ERICH6: variants seen among roughly 807,000 people sequenced by gnomAD.
The protein encoded by ERICH6 is glutamate-rich protein 6.
ERICH6 carries 71 observed loss-of-function variants against 71.0 expected under a neutral mutation model. The ratio of observed to expected loss-of-function variants is 1.00; its 90% confidence interval spans 0.83 to 1.22. The LOEUF (loss-of-function observed/expected upper bound fraction) is 1.22, where lower values mean the gene tolerates loss of function less well. Among genes scored for constraint, ERICH6 ranks in the 50% most tolerant of loss-of-function variants. The probability of loss-of-function intolerance (pLI) is 0.00; values close to 1 mark genes in which losing one functional copy is unlikely to be tolerated. For synonymous variants in ERICH6, 262 were observed against 278.4 expected, an observed-to-expected ratio of 0.94 and a Z score of 0.59; for missense variants, 808 against 797.2, an observed-to-expected ratio of 1.01 and a Z score of -0.16.
At chr3:150,697,093 T>A (rs1168334393) in intron 3 of ERICH6, among the ~76,000 whole-genome samples, 2 of 152,162 alleles carry the variant, frequency 1.3e-5, no homozygotes, top group South Asian at 4.1e-4. Flanking sequence ...CTGTATTTAC[T>A]GGTAAAAATT....
At position 150,703,665 on chromosome 3, in the gene ERICH6, G is replaced by A. The variant is rs1713034165; in HGVS notation, c.234C>T (p.Leu78=). The A allele has an allele frequency of 6.2e-7, 1 of 1,613,570 alleles. No individual in the cohort carries two copies. The highest frequency in any genetic ancestry group is 1.7e-5 in the Admixed American group (1 of 59,962). Residue 78 remains leucine (L), a synonymous_variant, in exon 1 of 14, where the codon CTC becomes CTT. Transcript: ENST00000295910. ...EAPETFSEEY[L]WKVTDIGDYD... ...AGTCACCGATGTCCGTGACCTTCCA[G>A]AGGTACTCTTCGCTGAACGTCTCAG...
intron 10 of ERICH6, 128 bp downstream of exon 10, chr3:150,678,281 G>A: frequency 1.2e-6 from 1 of 866,938 alleles, no homozygotes; most frequent in Non-Finnish European, 1.7e-6. Context: ...AAAAGACCAA[G>A]TCTGTACCAA....
At chr3:150,682,607 A>G (rs944173934) in intron 6 of ERICH6, among the ~76,000 whole-genome samples, 3 of 152,180 alleles carry the variant, frequency 2.0e-5, no homozygotes, top group Admixed American at 2.0e-4. Flanking sequence ...TGCAGAAATG[A>G]ATTCACTGTG....
At chr3:150,668,414 G>A (rs1727493622) in intron 12 of ERICH6, among the ~76,000 whole-genome samples, 1 of 152,154 alleles carries the variant, frequency 6.6e-6, no homozygotes, top group Admixed American at 6.6e-5. Flanking sequence ...GAACCGATTG[G>A]TTTCCAGTCT....
At chr3:150,701,043 A>G (rs1387646042) in intron 2 of ERICH6, among the ~76,000 whole-genome samples, 1 of 152,230 alleles carries the variant, frequency 6.6e-6, no homozygotes, top group Non-Finnish European at 1.5e-5. Context: ...TATAATTAAC[A>G]AACCATAATA....
At chr3:150,674,103 A>T in intron 10 of ERICH6, 62 bp from the exon 11 acceptor site, 1 of 1,328,036 alleles carries the variant, frequency 7.5e-7, no homozygotes, top group Non-Finnish European at 1.1e-6. Flanking sequence ...TAAGTACGAC[A>T]ACAATGGACA....
At chr3:150,677,712 G>A (rs1428517257) in intron 10 of ERICH6, among the ~76,000 whole-genome samples, 1 of 152,038 alleles carries the variant, frequency 6.6e-6, no homozygotes, top group African/African-American at 2.4e-5. Flanking sequence ...GTCCAGGCTG[G>A]TCTTGAATTC....
At chr3:150,686,447 C>G (rs1447298961) in intron 3 of ERICH6, 93 bp from the exon 4 acceptor site, 3 of 1,007,782 alleles carry the variant, frequency 3.0e-6, no homozygotes, top group Non-Finnish European at 4.5e-6. Context: ...AATAACTACC[C>G]TTACTATGTT....
chr3:150,681,491 C>T (rs1176530076), intron 7 of ERICH6, among the ~76,000 whole-genome samples: 1 of 152,190 alleles, frequency 6.6e-6, no homozygotes, highest in Admixed American at 6.5e-5. Context: ...TATTACGAAT[C>T]ATGCTGCTGT....
chr3:150,685,843 T>C lies in ERICH6; in HGVS notation c.682A>G (p.Ile228Val), dbSNP rs201144022. The change falls in exon 6 of 14, where the codon ATA becomes GTA. Residue 228 changes from isoleucine to valine, a missense_variant. Ile to Val is a conservative substitution (Grantham distance 29). Transcript: ENST00000295910. Reference protein sequence around the residue: ...LYELEFKEDFITLFEPSLRTL... With the variant: ...LYELEFKEDFVTLFEPSLRTL... Reference sequence around the variant, plus strand: ...CTTAGAGAAGGCTCGAACAGTGTTATGAAGTCTTCCTTAAACTAAATTTAA... The same window carrying C: ...CTTAGAGAAGGCTCGAACAGTGTTACGAAGTCTTCCTTAAACTAAATTTAA... The C allele has an allele frequency of 2.0e-5, 33 of 1,613,892 alleles. No individual in the cohort carries two copies. Among genetic ancestry groups the C allele is most frequent in the Non-Finnish European group, 8.5e-6 (10 of 1,179,996 alleles).
At chr3:150,695,959 G>A (rs1330633826) in intron 3 of ERICH6, among the ~76,000 whole-genome samples, 3 of 151,954 alleles carry the variant, frequency 2.0e-5, no homozygotes, top group East Asian at 3.9e-4. Flanking sequence ...AATACTTTTG[G>A]AAGAACAAGT....
chr3:150,675,511 G>A (rs1464333770), intron 10 of ERICH6, among the ~76,000 whole-genome samples: 1 of 152,020 alleles, frequency 6.6e-6, no homozygotes, highest in African/African-American at 2.4e-5. Flanking sequence ...ACCACGCCTG[G>A]CTAATCTTTG....
intron 9 of ERICH6, among the ~76,000 whole-genome samples, chr3:150,680,232 A>C (rs1711847223): frequency 6.6e-6 from 1 of 152,138 alleles, no homozygotes. Flanking sequence ...CAATACTACT[A>C]CTTATTATTA....
intron 13 of ERICH6, among the ~76,000 whole-genome samples, chr3:150,663,685 C>T (rs904952464): frequency 3.3e-5 from 5 of 152,026 alleles, no homozygotes; most frequent in Non-Finnish European, 1.5e-5. Context: ...ACTATGTTGC[C>T]CAAGCTGGTC....
rs1187557888 is a variant in ERICH6 at position 150,659,945 on chromosome 3, T to C, written c.1939A>G (p.Ile647Val). The change falls in exon 14 of 14, where the codon ATA (isoleucine) becomes GTA (valine). Residue 647 changes from isoleucine to valine, a missense_variant. This residue lies in a region of ERICH6 where 736 missense variants were observed against 712.2 expected (regional missense o/e 1.03). Transcript: ENST00000295910. Reference protein sequence around the residue: ...KLIALCHSSGIKQDIMKTIRN... With the variant: ...KLIALCHSSGVKQDIMKTIRN... ...ATTGTCTTCATTATATCTTGCTTTA[T>C]ACCAGAACTGTGACAAAGGGCAATT... The C allele has an allele frequency of 5.6e-6, 9 of 1,613,230 alleles. No homozygotes were observed. The Admixed American group carries it at 1.3e-4, about 24-fold the overall frequency.
chr3:150,678,512 T>G lies in ERICH6; in HGVS notation c.1154A>C (p.Asp385Ala). 1.2e-6 allele frequency: 2 copies of G among 1,603,442 alleles called. No individual in the cohort carries two copies. The highest frequency in any genetic ancestry group is 2.2e-5 in the East Asian group (1 of 44,594). The change falls in exon 10 of 14, where the codon GAT becomes GCT. Residue 385 changes from aspartate (D) to alanine (A), a missense_variant. Coordinates refer to ENST00000295910, the MANE Select transcript of ERICH6 (RefSeq NM_152394.5). ...ATCAATTATCTGTTTTTCTGGAATA[T>G]CCACAGAAAGTTGATAAGAAATTGT... Reference protein sequence around the residue: ...LKTISYQLSVDIPEKQIIDDI... With the variant: ...LKTISYQLSVAIPEKQIIDDI...
chr3:150,703,539 T>C lies in ERICH6; in HGVS notation c.360A>G (p.Glu120=). Residue 120 remains glutamate (E), a synonymous_variant, in exon 1 of 14, where the codon GAA becomes GAG. Coordinates refer to ENST00000295910, the MANE Select transcript of ERICH6 (RefSeq NM_152394.5). ...TGGAGGGTGGGCTTGCGCTCGGCGT[T>C]TCAGTGCTGGTCGCGCTCTGGCTGG... The part of the protein sequence containing the change: ...FVPSQSATST[E]TPSASPPSST... 1 of 1,611,916 alleles carries C rather than the reference T, an allele frequency of 6.2e-7. No homozygotes were observed. The highest frequency in any genetic ancestry group is 8.5e-7 in the Non-Finnish European group (1 of 1,179,096).
At position 150,686,293 on chromosome 3, in the gene ERICH6, T is replaced by G. The variant is rs1229048791; in HGVS notation, c.610+5A>C. The G allele has an allele frequency of 6.2e-7, 1 of 1,614,090 alleles. No individual in the cohort carries two copies. The highest frequency in any genetic ancestry group is 1.1e-5 in the South Asian group (1 of 91,068). On this transcript the variant is annotated splice_donor_5th_base_variant and intron_variant, in intron 4 of 13. Transcript: ENST00000295910. Reference sequence around the variant, plus strand: ...AAAAGGAGATGATGCCAAACATGTATTTACCTCTTAACTTAGATGCCAGAC... The same window carrying G: ...AAAAGGAGATGATGCCAAACATGTAGTTACCTCTTAACTTAGATGCCAGAC...
At chr3:150,670,913 T>C (rs1711499433) in intron 11 of ERICH6, among the ~76,000 whole-genome samples, 1 of 152,114 alleles carries the variant, frequency 6.6e-6, no homozygotes, top group South Asian at 2.1e-4. Flanking sequence ...TCAAGAAAGT[T>C]AAGAGGAATA....
Sources: allele counts gnomAD v4.1 joint callset (sites outside exome capture counted in the v4.1 genomes callset), GRCh38; gene constraint gnomAD v4.1.1; regional missense constraint gnomAD v4.1.1; transcripts MANE v1.5; gene names NCBI Gene and HGNC (gene_info 2026-07-23, HGNC 2026-07-21).